The following SNX9 variants were observed in gnomAD, a reference collection of about 807,000 sequenced individuals.
SNX9 encodes the protein sorting nexin 9.
In SNX9, 44 loss-of-function variants were observed where a neutral mutation model predicts 89.4. That is an observed-to-expected ratio of 0.49 (90% confidence interval 0.39 to 0.63). SNX9 has a LOEUF of 0.63. Among genes scored for constraint, SNX9 ranks in the 30% least tolerant of loss-of-function variants. SNX9 has a pLI of 0.00. For synonymous variants in SNX9, 236 were observed against 247.8 expected (o/e 0.95, Z 0.45); for missense variants, 578 against 736.1 (o/e 0.79, Z 2.49).
chr6:157,866,346 G>A (rs1187777228), intron 1 of SNX9, among the ~76,000 whole-genome samples: 1 of 152,196 alleles, frequency 6.6e-6, no homozygotes, highest in Non-Finnish European at 1.5e-5. Flanking sequence ...TACTTTGAGA[G>A]GAAGATCTCT....
intron 12 of SNX9, among the ~76,000 whole-genome samples, chr6:157,931,882 G>A (rs771402582): frequency 2.6e-5 from 4 of 152,158 alleles, no homozygotes; most frequent in South Asian, 2.1e-4. Flanking sequence ...GATCAAGCGC[G>A]GTGTCGCTAG....
At chr6:157,873,722 T>C (rs1426536342) in intron 3 of SNX9, among the ~76,000 whole-genome samples, 1 of 151,976 alleles carries the variant, frequency 6.6e-6, no homozygotes, top group Admixed American at 6.6e-5. Context: ...TATTGTACAA[T>C]AGACTCACAG....
intron 14 of SNX9, among the ~76,000 whole-genome samples, chr6:157,937,137 A>C (rs566857517): frequency 6.6e-6 from 1 of 152,374 alleles, no homozygotes; most frequent in East Asian, 1.9e-4. Context: ...GTGTGTAAAC[A>C]TACAGCATTA....
At chr6:157,901,230 G>A (rs1783091287) in intron 5 of SNX9, among the ~76,000 whole-genome samples, 2 of 152,148 alleles carry the variant, frequency 1.3e-5, no homozygotes, top group Non-Finnish European at 2.9e-5. Context: ...ATAATCAGGA[G>A]CATTTCATCT....
Position 157,826,062 on chromosome 6 carries a change from T to A in SNX9, c.12+2616T>A, listed in dbSNP as rs543591893. 7.0e-4 allele frequency among the ~76,000 whole-genome samples: 106 copies of A among 152,318 alleles called. 1 individual carries two copies. Among genetic ancestry groups the A allele is most frequent in the African/African-American group, 2.3e-3 (95 of 41,566 alleles). Reference sequence around the variant, plus strand: ...TGGCTATAGTATCTTCAGATACAATTTTCTTGTTTGTTCTTACGTATTAAG... The same window carrying A: ...TGGCTATAGTATCTTCAGATACAATATTCTTGTTTGTTCTTACGTATTAAG... On this transcript the variant is annotated intron_variant, in intron 1 of 17. Coordinates refer to ENST00000392185, the MANE Select transcript of SNX9 (RefSeq NM_016224.5).
intron 16 of SNX9, among the ~76,000 whole-genome samples, chr6:157,938,977 T>C (rs1054921509): frequency 6.6e-6 from 1 of 152,234 alleles, no homozygotes; most frequent in Non-Finnish European, 1.5e-5. Context: ...CTGTACATTT[T>C]ATTATTTCTG....
At chr6:157,938,557 A>T (rs567919472) in intron 15 of SNX9, 76 bp from the exon 16 acceptor site, 2 of 941,528 alleles carry the variant, frequency 2.1e-6, no homozygotes, top group Non-Finnish European at 3.4e-6. Flanking sequence ...TATAGAATAT[A>T]TTAGCATTGT....
chr6:157,825,146 G>A (rs879376298), intron 1 of SNX9, among the ~76,000 whole-genome samples: 2 of 152,222 alleles, frequency 1.3e-5, no homozygotes, highest in Non-Finnish European at 2.9e-5. Context: ...TGCTCTGGAG[G>A]CTGAGGCAGG....
At position 157,827,522 on chromosome 6, in the gene SNX9, TTATATAATATATAAACATATATTA is replaced by T; in HGVS notation, c.12+4080_12+4103del. Among the ~76,000 whole-genome samples, 3 of 34,650 alleles carry T rather than the reference TTATATAATATATAAACATATATTA, an allele frequency of 8.7e-5. 1 individual carries two copies. Among genetic ancestry groups the T allele is most frequent in the Non-Finnish European group, 1.3e-4 (3 of 23,376 alleles). The allele number at this position is 34,650 out of a possible 152,430, so 22.7% of individuals were successfully genotyped here. ...TTTATATAATATATAAACATATAGTTTATATAATATATAAACATATATTATATTATAGTTTATATAATATATAAA... is the reference window on the plus strand; with the variant it reads ...TTTATATAATATATAAACATATAGTTTATTATAGTTTATATAATATATAAA... On this transcript the variant is annotated intron_variant, in intron 1 of 17. Transcript: ENST00000392185.
At chr6:157,846,994 G>T (rs1781817775) in intron 1 of SNX9, among the ~76,000 whole-genome samples, 1 of 152,122 alleles carries the variant, frequency 6.6e-6, no homozygotes, top group Admixed American at 6.5e-5. Flanking sequence ...AGTGAGCCCA[G>T]GTAGCACTAC....
chr6:157,919,804 T>C (rs1164194135), intron 9 of SNX9, among the ~76,000 whole-genome samples: 1 of 152,214 alleles, frequency 6.6e-6, no homozygotes, highest in African/African-American at 2.4e-5. Flanking sequence ...AATTTTTTGT[T>C]GAAAACTGGA....
rs758352092 is a variant in SNX9 at position 157,940,137 on chromosome 6, G to T, written c.1649-746G>T. On this transcript the variant is annotated intron_variant, in intron 16 of 17. Coordinates refer to ENST00000392185, the MANE Select transcript of SNX9 (RefSeq NM_016224.5). ...AGAAGGGTCTCCCGCTGTCCCACAC[G>T]CTGCCCAGCCTTTCACCAGAAACCT... Among the ~76,000 whole-genome samples, 3 of 152,202 alleles carry T rather than the reference G, an allele frequency of 2.0e-5. No homozygotes were observed. In the East Asian group the frequency reaches 5.8e-4, roughly 29 times the overall value.
At chr6:157,836,151 A>G (rs947037214) in intron 1 of SNX9, among the ~76,000 whole-genome samples, 2 of 151,848 alleles carry the variant, frequency 1.3e-5, no homozygotes, top group Non-Finnish European at 2.9e-5. Context: ...GGGTCTCTCT[A>G]TGTGCCCAGG....
At chr6:157,848,081 A>G (rs1484400216) in intron 1 of SNX9, among the ~76,000 whole-genome samples, 1 of 152,050 alleles carries the variant, frequency 6.6e-6, no homozygotes, top group Non-Finnish European at 1.5e-5. Flanking sequence ...TGCACTCACC[A>G]CCACCTGGAA....
chr6:157,899,212 C>T (rs1783042963), intron 5 of SNX9, among the ~76,000 whole-genome samples: 1 of 152,136 alleles, frequency 6.6e-6, no homozygotes, highest in South Asian at 2.1e-4. Context: ...TCTTCACTCT[C>T]ATCTTTTTCT....
At position 157,936,028 on chromosome 6, in the gene SNX9, C is replaced by T. The variant is rs1294237182; in HGVS notation, c.1431C>T (p.Leu477=). ...AGACTTATGAAGAAATTGCCAGTCT[C>T]GTGGCAGAACAGGTACTAACATAAT... The part of the protein sequence containing the change: ...AGKTYEEIAS[L]VAEQPKKDLH... The change falls in exon 14 of 18, where the codon CTC becomes CTT. Residue 477 remains leucine, a synonymous_variant. Coordinates refer to ENST00000392185, the MANE Select transcript of SNX9 (RefSeq NM_016224.5). 6.2e-7 allele frequency: 1 copy of T among 1,611,144 alleles called. No individual in the cohort carries two copies. The highest frequency in any genetic ancestry group is 1.1e-5 in the South Asian group (1 of 90,508).
intron 1 of SNX9, among the ~76,000 whole-genome samples, chr6:157,866,955 T>C (rs1433787492): frequency 3.3e-5 from 5 of 152,138 alleles, no homozygotes; most frequent in Non-Finnish European, 5.9e-5. Flanking sequence ...TTTGTTTGTT[T>C]GTTTTTTTAA....
chr6:157,832,746 G>A (rs909208849), intron 1 of SNX9, among the ~76,000 whole-genome samples: 5 of 152,052 alleles, frequency 3.3e-5, no homozygotes, highest in Admixed American at 1.3e-4. Flanking sequence ...GAACAGCATG[G>A]GGGTAACTGC....
At chr6:157,931,165 A>G (rs1369360785) in intron 12 of SNX9, among the ~76,000 whole-genome samples, 2 of 152,216 alleles carry the variant, frequency 1.3e-5, no homozygotes, top group African/African-American at 2.4e-5. Context: ...CCTAATGTGT[A>G]GAATGAAAAC....
Sources: gnomAD v4.1 joint callset for allele counts (sites outside exome capture counted in the v4.1 genomes callset) on GRCh38, gnomAD v4.1.1 for gene constraint, MANE v1.5 for transcripts, NCBI Gene and HGNC (gene_info 2026-07-23, HGNC 2026-07-21) for gene names.